IRAK4: variants seen among roughly 807,000 people sequenced by gnomAD.
IRAK4 encodes the protein interleukin 1 receptor associated kinase 4, also known as interleukin-1 receptor-associated kinase 4.
A neutral mutation model predicts 51.8 loss-of-function variants in IRAK4; 44 were observed. That is an observed-to-expected ratio of 0.85 (90% confidence interval 0.67 to 1.09). IRAK4 has a LOEUF of 1.09. Among genes scored for constraint, IRAK4 ranks in the 50% least tolerant of loss-of-function variants. The pLI is 0.00. For missense variants in IRAK4, 487 were observed against 538.0 expected, an observed-to-expected ratio of 0.91 and a Z score of 0.94; for synonymous variants, 149 against 174.1, an observed-to-expected ratio of 0.86 and a Z score of 1.13.
intron 1 of IRAK4, among the ~76,000 whole-genome samples, chr12:43,765,910 A>C (rs995323820): frequency 6.7e-6 from 1 of 149,834 alleles, no homozygotes; most frequent in African/African-American, 2.5e-5. Flanking sequence ...AATTGTTTTG[A>C]TTTGGCCTCC....
rs1439926434 is a variant in IRAK4 at position 43,771,256 on chromosome 12, C to T, written c.198C>T (p.Pro66=). Residue 66 remains proline (P), a synonymous_variant, in exon 3 of 12, where the codon CCC becomes CCT. Transcript: ENST00000613694. ...CATTACTTCAAACTGGAAAAAGTCC[C>T]ACTTCTGAATTACTGTTTGACTGGG... ...FEALLQTGKS[P]TSELLFDWGT... 2.5e-6 allele frequency: 4 copies of T among 1,613,906 alleles called. No individual in the cohort carries two copies. Among genetic ancestry groups the T allele is most frequent in the South Asian group, 2.2e-5 (2 of 91,074 alleles).
chr12:43,771,417 C>A (rs746819539), intron 3 of IRAK4, 52 bp downstream of exon 3: 3 of 1,566,548 alleles, frequency 1.9e-6, no homozygotes, highest in Non-Finnish European at 1.8e-6. Context: ...AGACAAATGG[C>A]AGAAATATAA....
At chr12:43,784,076 A>T (rs1250171266) in intron 10 of IRAK4, among the ~76,000 whole-genome samples, 1 of 151,878 alleles carries the variant, frequency 6.6e-6, no homozygotes, top group African/African-American at 2.4e-5. Context: ...AGAGGGGGGA[A>T]AAAAAAGGCT....
rs188946952 is a variant in IRAK4 at position 43,776,148 on chromosome 12, G to T, written c.717-1482G>T. ...CTGCCTGCCTCGGCTGGGAATACAGGCGTGAGTCACTGCGCCCGGCCTATT... is the reference window on the plus strand; with the variant it reads ...CTGCCTGCCTCGGCTGGGAATACAGTCGTGAGTCACTGCGCCCGGCCTATT... On this transcript the variant is annotated intron_variant, in intron 6 of 11. Coordinates refer to ENST00000613694, the MANE Select transcript of IRAK4 (RefSeq NM_016123.4). 1.8e-3 allele frequency among the ~76,000 whole-genome samples: 280 copies of T among 152,098 alleles called. 4 individuals carry two copies. The highest frequency in any genetic ancestry group is 5.8e-4 in the East Asian group (3 of 5,188).
At chr12:43,771,920 T>C (rs146525929) in intron 3 of IRAK4, among the ~76,000 whole-genome samples, 1 of 152,344 alleles carries the variant, frequency 6.6e-6, no homozygotes, top group East Asian at 1.9e-4. Flanking sequence ...GTTTAAGGTC[T>C]ATATTCTTAA....
intron 8 of IRAK4, among the ~76,000 whole-genome samples, chr12:43,780,632 C>A (rs4251579): frequency 6.7e-6 from 1 of 148,682 alleles, no homozygotes; most frequent in Non-Finnish European, 1.5e-5. Flanking sequence ...AGTGCGATGG[C>A]GCGGTCTTGG....
rs766606181 is a variant in IRAK4 at position 43,786,703 on chromosome 12, G to A, written c.1371G>A (p.Met457Ile). Residue 457 changes from methionine (M) to isoleucine (I), a missense_variant, in exon 12 of 12, where the codon ATG becomes ATA. Transcript: ENST00000613694. ...AGGTTCAACAGCTGCTGCAAGAGAT[G>A]ACAGCTTCTTAAAACTTTATTGGAA... ...IKKVQQLLQE[M>I]TAS 9.3e-6 allele frequency: 15 copies of A among 1,613,350 alleles called. No individual in the cohort carries two copies. Among genetic ancestry groups the A allele is most frequent in the Middle Eastern group, 3.3e-4 (2 of 6,034 alleles).
chr12:43,776,352 T>C (rs1182232346), intron 6 of IRAK4, among the ~76,000 whole-genome samples: 2 of 152,218 alleles, frequency 1.3e-5, no homozygotes, highest in Non-Finnish European at 2.9e-5. Flanking sequence ...GCCTCGTTTA[T>C]AGTATAAATT....
intron 9 of IRAK4, among the ~76,000 whole-genome samples, chr12:43,782,728 A>G (rs921141310): frequency 3.3e-5 from 5 of 152,184 alleles, no homozygotes; most frequent in Non-Finnish European, 1.5e-5. Context: ...GTCTTTATGA[A>G]TTAGCATGAC....
At chr12:43,761,922 G>A (rs943649461) in intron 1 of IRAK4, among the ~76,000 whole-genome samples, 2 of 152,134 alleles carry the variant, frequency 1.3e-5, no homozygotes, top group African/African-American at 4.8e-5. Flanking sequence ...AGTGGTATGA[G>A]GAAACAGTCA....
Position 43,777,546 on chromosome 12 carries a change from C to T in IRAK4, c.717-84C>T. 3.1e-6 allele frequency: 4 copies of T among 1,275,296 alleles called. No homozygotes were observed. The Admixed American group carries it at 8.5e-5, about 27-fold the overall frequency. 79.0% of individuals were successfully genotyped at this position (1,275,296 alleles called of 1,614,324 possible). On this transcript the variant is annotated intron_variant, in intron 6 of 11. Transcript: ENST00000613694. The stretch of plus-strand genomic sequence containing the variant: ...CATACTATTTTTTTGCTCTTTTTTT[C>T]TATTAAAACTTTGAATAACTTCCAA...
intron 10 of IRAK4, among the ~76,000 whole-genome samples, chr12:43,785,598 A>G (rs1165114117): frequency 6.7e-6 from 1 of 149,496 alleles, no homozygotes; most frequent in African/African-American, 2.5e-5. Flanking sequence ...AAATAATTAA[A>G]TATACATTTG....
intron 1 of IRAK4, among the ~76,000 whole-genome samples, chr12:43,764,597 T>C (rs1939920983): frequency 6.6e-6 from 1 of 152,144 alleles, no homozygotes; most frequent in East Asian, 1.9e-4. Context: ...ATGGGTGCTC[T>C]ATGAAGATTT....
At chr12:43,779,875 G>C (rs975861569) in intron 8 of IRAK4, among the ~76,000 whole-genome samples, 1 of 152,186 alleles carries the variant, frequency 6.6e-6, no homozygotes, top group Non-Finnish European at 1.5e-5. Context: ...ATATAAATGT[G>C]TATTACTTGC....
In IRAK4 at chr12:43,771,365, G is replaced by A. The variant is rs1181944723; in HGVS notation, c.307G>A (p.Asp103Asn). 2 of 1,614,062 alleles carry A rather than the reference G, an allele frequency of 1.2e-6. No individual in the cohort carries two copies. Among genetic ancestry groups the A allele is most frequent in the Non-Finnish European group, 1.7e-6 (2 of 1,179,980 alleles). The change falls in exon 3 of 12, where the codon GAT becomes AAT. Residue 103 changes from aspartate to asparagine, a missense_variant and splice_region_variant. Asp to Asn is a conservative substitution (Grantham distance 23, BLOSUM62 1). Coordinates refer to ENST00000613694, the MANE Select transcript of IRAK4 (RefSeq NM_016123.4). The stretch of plus-strand genomic sequence containing the variant: ...TGCTCCTGCGAGTCTTTTGCTCCCA[G>A]GTAAACTGATTGTGACCAGGGTGTC... The part of the protein sequence containing the change: ...FFAPASLLLP[D>N]AVPKTANTLP...
At chr12:43,759,892 C>T (rs1454509150) in intron 1 of IRAK4, among the ~76,000 whole-genome samples, 1 of 143,796 alleles carries the variant, frequency 7.0e-6, no homozygotes, top group East Asian at 2.0e-4. Flanking sequence ...AAAAAAAAAG[C>T]AAACCCTGAG....
intron 8 of IRAK4, 129 bp downstream of exon 8, chr12:43,778,431 GCTCTT>G: frequency 1.5e-6 from 1 of 668,420 alleles, no homozygotes; most frequent in Admixed American, 2.3e-5. Context: ...CTCCATGAAA[GCTCTT>G]CTCAATAAGG....
chr12:43,762,974 A>G (rs960894188), intron 1 of IRAK4, among the ~76,000 whole-genome samples: 1 of 152,198 alleles, frequency 6.6e-6, no homozygotes, highest in Non-Finnish European at 1.5e-5. Flanking sequence ...TTCACCCTAT[A>G]TGCTATTCAT....
At chr12:43,785,434 A>T (rs1942122113) in intron 10 of IRAK4, among the ~76,000 whole-genome samples, 1 of 151,890 alleles carries the variant, frequency 6.6e-6, no homozygotes, top group Admixed American at 6.6e-5. Flanking sequence ...TCAGGGTCCA[A>T]AAGTTGGAAT....
Sources: gnomAD v4.1 joint callset for allele counts (sites outside exome capture counted in the v4.1 genomes callset) on GRCh38, gnomAD v4.1.1 for gene constraint, MANE v1.5 for transcripts, NCBI Gene and HGNC (gene_info 2026-07-23, HGNC 2026-07-21) for gene names.